NEBL: variants seen among roughly 807,000 people sequenced by gnomAD.
NEBL encodes LIM and SH3 protein 2.
NEBL carries 122 observed loss-of-function variants against 140.2 expected under a neutral mutation model. That is an observed-to-expected ratio of 0.87 (90% CI 0.75 to 1.01). NEBL has a LOEUF of 1.01. NEBL is among the 50% of genes least tolerant of loss of function. The probability of loss-of-function intolerance (pLI) is 0.00; values close to 1 mark genes in which losing one functional copy is unlikely to be tolerated. For missense variants in NEBL, 1,365 were observed against 1,231.3 expected (o/e 1.11, Z -1.62); for synonymous variants, 436 against 398.9 (o/e 1.09, Z -1.11).
chr10:21,218,468 A>AT (rs1346479122), intron 3 of NEBL, among the ~76,000 whole-genome samples: 8 of 129,242 alleles, frequency 6.2e-5, no homozygotes, highest in African/African-American at 2.4e-4. Context: ...CATAAGATAA[A>AT]ATTTTTTTAT....
chr10:21,207,312 A>C (rs1841843333), intron 3 of NEBL, among the ~76,000 whole-genome samples: 1 of 152,182 alleles, frequency 6.6e-6, no homozygotes, highest in South Asian at 2.1e-4. Context: ...TCCTATCTAT[A>C]GGAATGATGG....
At chr10:21,093,150 CTT>C (rs4025884) in intron 2 of NEBL, among the ~76,000 whole-genome samples, 2 of 95,038 alleles carry the variant, frequency 2.1e-5, no homozygotes, top group African/African-American at 4.3e-5. Flanking sequence ...AGCAACAAGT[CTT>C]TTTTTTTTTT....
chr10:21,208,635 A>G (rs1415620982), intron 3 of NEBL, among the ~76,000 whole-genome samples: 1 of 152,218 alleles, frequency 6.6e-6, no homozygotes, highest in African/African-American at 2.4e-5. Flanking sequence ...TCCAGAAGTC[A>G]CCATGAACCC....
chr10:21,042,592 C>T (rs367548120), intron 2 of NEBL, among the ~76,000 whole-genome samples: 13 of 152,320 alleles, frequency 8.5e-5, no homozygotes, highest in African/African-American at 2.9e-4. Flanking sequence ...TCAGGATGTG[C>T]CTTTGCACTG....
chr10:21,266,267 G>A (rs965082639), intron 1 of NEBL, among the ~76,000 whole-genome samples: 1 of 151,956 alleles, frequency 6.6e-6, no homozygotes, highest in Non-Finnish European at 1.5e-5. Flanking sequence ...TTAGCCTCCC[G>A]AGTAGCTGGG....
chr10:21,079,187 T>C (rs1836251992), intron 2 of NEBL, among the ~76,000 whole-genome samples: 1 of 152,076 alleles, frequency 6.6e-6, no homozygotes, highest in East Asian at 1.9e-4. Context: ...CCATGGGACA[T>C]GGCAAATCTG....
At chr10:20,983,560 C>T (rs182681821) in intron 3 of NEBL, among the ~76,000 whole-genome samples, 3 of 152,162 alleles carry the variant, frequency 2.0e-5, no homozygotes, top group Admixed American at 6.5e-5. Context: ...AATTGCAAAT[C>T]GTTGTACCCA....
intron 3 of NEBL, among the ~76,000 whole-genome samples, chr10:21,239,525 C>G (rs894432318): frequency 2.0e-5 from 3 of 152,026 alleles, no homozygotes; most frequent in Admixed American, 6.6e-5. Flanking sequence ...ATCTGCAAGA[C>G]CCCCAAACCC....
At chr10:21,083,496 C>T (rs549131652) in intron 2 of NEBL, among the ~76,000 whole-genome samples, 6 of 152,274 alleles carry the variant, frequency 3.9e-5, no homozygotes, top group African/African-American at 1.4e-4. Context: ...AAGAAGGAAA[C>T]TCTCTCTTTG....
chr10:21,133,342 G>A (rs958521496), intron 2 of NEBL, among the ~76,000 whole-genome samples: 32 of 152,186 alleles, frequency 2.1e-4, no homozygotes, highest in African/African-American at 7.2e-4. Context: ...TGTGTCTTGG[G>A]AGGCCAGGCT....
intron 4 of NEBL, among the ~76,000 whole-genome samples, chr10:20,930,136 G>A (rs1335337798): frequency 2.0e-5 from 3 of 152,024 alleles, no homozygotes; most frequent in Non-Finnish European, 2.9e-5. Context: ...CCTCCATTTA[G>A]ATGTCCACAT....
Position 20,814,009 on chromosome 10 carries a change from C to A in NEBL, c.2276G>T (p.Gly759Val), listed in dbSNP as rs1405704518. Residue 759 changes from glycine (G) to valine (V), a missense_variant, in exon 23 of 28, where the codon GGT becomes GTT. Physicochemically the swap from Gly to Val is moderately radical, Grantham distance 109. This residue lies in a region of NEBL where 1,323 missense variants were observed against 1,154.8 expected (regional missense o/e 1.15). Transcript: ENST00000377122. ...TGTATCTAAAATCAGACTTGGTCTA[C>A]CTTTCATCTGTTTATGGTCCTGGGT... The part of the protein sequence containing the change: ...KYTQDHKQMK[G>V]RPSLILDTPA... The A allele has an allele frequency of 6.2e-7, 1 of 1,610,096 alleles. No homozygotes were observed. The highest frequency in any genetic ancestry group is 1.7e-5 in the Admixed American group (1 of 60,004).
chr10:20,870,101 C>A (rs537448855), intron 5 of NEBL, among the ~76,000 whole-genome samples: 10 of 151,766 alleles, frequency 6.6e-5, no homozygotes, highest in Admixed American at 5.9e-4. Flanking sequence ...CCTAGGTGGG[C>A]GGATCACTTG....
At chr10:21,184,627 C>T (rs1841436223) in intron 3 of NEBL, among the ~76,000 whole-genome samples, 1 of 152,126 alleles carries the variant, frequency 6.6e-6, no homozygotes, top group Admixed American at 6.5e-5. Flanking sequence ...AGGGGAACTT[C>T]ATCCAATAAA....
At chr10:21,030,148 A>G (rs997537074) in intron 2 of NEBL, 3 of 475,522 alleles carry the variant, frequency 6.3e-6, no homozygotes, top group Admixed American at 5.7e-5. Flanking sequence ...AAGAATGGCT[A>G]CAGAAGGAAC....
At chr10:21,059,461 T>C (rs184489501) in intron 2 of NEBL, among the ~76,000 whole-genome samples, 1 of 152,338 alleles carries the variant, frequency 6.6e-6, no homozygotes, top group African/African-American at 2.4e-5. Context: ...CTTTCTAGTA[T>C]CAAAAGGCAC....
At chr10:20,887,205 A>T (rs1215200634) in intron 4 of NEBL, among the ~76,000 whole-genome samples, 1 of 147,420 alleles carries the variant, frequency 6.8e-6, no homozygotes, top group East Asian at 2.2e-4. Flanking sequence ...ATTACTCCTA[A>T]ACCCTTCTGG....
At chr10:20,975,644 T>G (rs1836762775) in intron 3 of NEBL, among the ~76,000 whole-genome samples, 1 of 152,192 alleles carries the variant, frequency 6.6e-6, no homozygotes, top group African/African-American at 2.4e-5. Flanking sequence ...TGAGTTACAC[T>G]TGAATACCTA....
At chr10:21,064,270 T>A (rs974690988) in intron 2 of NEBL, among the ~76,000 whole-genome samples, 1 of 152,258 alleles carries the variant, frequency 6.6e-6, no homozygotes, top group African/African-American at 2.4e-5. Flanking sequence ...ATTTCCTTTT[T>A]GATTTCCACA....
Sources: gnomAD v4.1 joint callset for allele counts (sites outside exome capture counted in the v4.1 genomes callset) on GRCh38, gnomAD v4.1.1 for gene constraint, gnomAD v4.1.1 regional missense constraint, MANE v1.5 for transcripts, NCBI Gene and HGNC (gene_info 2026-07-23, HGNC 2026-07-21) for gene names.